PDLIM5: variants seen among roughly 807,000 people sequenced by gnomAD.
The protein encoded by PDLIM5 is PDZ and LIM domain protein 5.
A neutral mutation model predicts 64.2 loss-of-function variants in PDLIM5; 34 were observed. The observed-to-expected ratio is 0.53, with a 90% CI of 0.40 to 0.71. The LOEUF (loss-of-function observed/expected upper bound fraction) is 0.71, where lower values mean the gene tolerates loss of function less well. Ranked by LOEUF, PDLIM5 falls within the 30% of genes least tolerant of loss-of-function variation. PDLIM5 has a pLI of 0.00. For synonymous variants in PDLIM5, 253 were observed against 269.1 expected, an observed-to-expected ratio of 0.94 and a Z score of 0.59; for missense variants, 683 against 733.6, an observed-to-expected ratio of 0.93 and a Z score of 0.80.
intron 3 of PDLIM5, among the ~76,000 whole-genome samples, chr4:94,570,713 A>G (rs891069377): frequency 2.0e-5 from 3 of 152,164 alleles, no homozygotes; most frequent in Admixed American, 6.6e-5. Context: ...CTTTGTTATT[A>G]CAGATTGACA....
intron 7 of PDLIM5, among the ~76,000 whole-genome samples, chr4:94,590,593 C>G (rs1736598252): frequency 6.6e-6 from 1 of 152,120 alleles, no homozygotes; most frequent in Non-Finnish European, 1.5e-5. Context: ...GGAAGGATTA[C>G]TTTAGATTAT....
At chr4:94,577,492 A>G in intron 5 of PDLIM5, 1 of 364,110 alleles carries the variant, frequency 2.7e-6, no homozygotes, top group South Asian at 2.1e-5. Context: ...TATTGAGGAA[A>G]ACTAGTATCC....
chr4:94,455,322 G>A lies in PDLIM5; in HGVS notation c.34G>A (p.Ala12Thr). ...CTACAGTGTGTCACTGGTTGGCCCAGCTCCTTGGGGTTTCCGGCTGCAGGG... is the reference window on the plus strand; with the variant it reads ...CTACAGTGTGTCACTGGTTGGCCCAACTCCTTGGGGTTTCCGGCTGCAGGG... ...SNYSVSLVGPAPWGFRLQGGK... is the reference protein window; with the variant it reads ...SNYSVSLVGPTPWGFRLQGGK... The change falls in exon 2 of 13, where the codon GCT becomes ACT. Residue 12 changes from alanine to threonine, a missense_variant. By Grantham distance (58) the Ala-to-Thr change is moderately conservative. Coordinates refer to ENST00000317968, the MANE Select transcript of PDLIM5 (RefSeq NM_006457.5). 1 of 1,613,586 alleles carries A rather than the reference G, an allele frequency of 6.2e-7. No individual in the cohort carries two copies. Among genetic ancestry groups the A allele is most frequent in the East Asian group, 2.2e-5 (1 of 44,878 alleles).
intron 7 of PDLIM5, among the ~76,000 whole-genome samples, chr4:94,607,265 CT>C (rs35242711): frequency 0.05 from 7,312 of 145,450 alleles, 233 homozygotes; most frequent in Non-Finnish European, 0.077. Context: ...TATCCACAGA[CT>C]TTTTTTTTTT....
At chr4:94,513,843 T>A (rs1729113418) in intron 2 of PDLIM5, among the ~76,000 whole-genome samples, 1 of 152,178 alleles carries the variant, frequency 6.6e-6, no homozygotes, top group Admixed American at 6.6e-5. Flanking sequence ...CCATTCAGTA[T>A]GATACTAGCT....
chr4:94,649,390 A>T (rs1191486137), intron 9 of PDLIM5, among the ~76,000 whole-genome samples: 1 of 152,078 alleles, frequency 6.6e-6, no homozygotes. Flanking sequence ...GAGGGTCTTT[A>T]CTCAAATATC....
intron 10 of PDLIM5, among the ~76,000 whole-genome samples, 156 bp from the exon 11 acceptor site, chr4:94,657,271 T>C (rs1225763636): frequency 6.6e-6 from 1 of 152,250 alleles, no homozygotes; most frequent in Non-Finnish European, 1.5e-5. Context: ...CTTAAGTATC[T>C]CTTGTTACTT....
intron 5 of PDLIM5, chr4:94,584,297 G>A (rs1735980998): frequency 6.6e-6 from 1 of 152,126 alleles, no homozygotes; most frequent in Non-Finnish European, 1.5e-5. Context: ...CTGTTTTGAG[G>A]GGGGAGAAGT....
chr4:94,648,309 G>A (rs145998012), intron 9 of PDLIM5, among the ~76,000 whole-genome samples: 2 of 152,106 alleles, frequency 1.3e-5, no homozygotes, highest in East Asian at 1.9e-4. Flanking sequence ...TGACACTAAG[G>A]TGTCTCACAG....
At chr4:94,498,695 A>T (rs2126129417) in intron 2 of PDLIM5, among the ~76,000 whole-genome samples, 1 of 152,306 alleles carries the variant, frequency 6.6e-6, no homozygotes, top group East Asian at 1.9e-4. Flanking sequence ...GTGTGCATCC[A>T]CTGTAAGATG....
chr4:94,659,494 ATGTGTGTG>A (rs1163008328), intron 11 of PDLIM5, among the ~76,000 whole-genome samples: 4,952 of 109,080 alleles, frequency 0.045, 269 homozygotes, highest in African/African-American at 0.15. Flanking sequence ...ATATGTGTGT[ATGTGTGTG>A]TGTGTGTGTG....
intron 3 of PDLIM5, among the ~76,000 whole-genome samples, chr4:94,565,614 A>G (rs1734251916): frequency 6.6e-6 from 1 of 152,212 alleles, no homozygotes; most frequent in African/African-American, 2.4e-5. Context: ...ACTATTTTAA[A>G]TAGAACACCC....
chr4:94,585,421 C>A, intron 5 of PDLIM5, 144 bp from the exon 6 acceptor site: 2 of 527,578 alleles, frequency 3.8e-6, no homozygotes, highest in Non-Finnish European at 3.0e-6. Context: ...AAACTTGAGA[C>A]CGAATATACT....
intron 2 of PDLIM5, among the ~76,000 whole-genome samples, chr4:94,461,390 CATGGTGTCTACTGATTCTT>C (rs1285967691): frequency 6.6e-6 from 1 of 152,110 alleles, no homozygotes; most frequent in Non-Finnish European, 1.5e-5. Flanking sequence ...GAGCAGTGAC[CATGGTGTCTACTGATTCTT>C]TAGGTATTCT....
At chr4:94,643,550 A>C (rs149375981) in intron 9 of PDLIM5, among the ~76,000 whole-genome samples, 258 of 152,214 alleles carry the variant, frequency 1.7e-3, no homozygotes, top group Admixed American at 3.7e-3. Flanking sequence ...ATTAAAATCT[A>C]TTGACCATTT....
At chr4:94,612,322 A>G (rs571964410) in intron 7 of PDLIM5, among the ~76,000 whole-genome samples, 177 of 152,350 alleles carry the variant, frequency 1.2e-3, no homozygotes, top group South Asian at 1.7e-3. Flanking sequence ...GAGAAAGATC[A>G]TAGTACATTT....
chr4:94,584,872 T>A lies in PDLIM5; in HGVS notation c.711-693T>A. 4.4e-6 allele frequency: 3 copies of A among 678,154 alleles called. No individual in the cohort carries two copies. In the South Asian group the frequency reaches 5.5e-5, roughly 12 times the overall value. The allele number at this position is 678,154 out of a possible 1,614,324, so 42.0% of individuals were successfully genotyped here. ...CAAATAATTTCAAGAAGTTTGATTTTGACTACTATGGACTTTCATTTTCTA... is the reference window on the plus strand; with the variant it reads ...CAAATAATTTCAAGAAGTTTGATTTAGACTACTATGGACTTTCATTTTCTA... On this transcript the variant is annotated intron_variant, in intron 5 of 12. Coordinates refer to ENST00000317968, the MANE Select transcript of PDLIM5 (RefSeq NM_006457.5).
chr4:94,609,268 A>G (rs1738171686), intron 7 of PDLIM5, among the ~76,000 whole-genome samples: 1 of 152,198 alleles, frequency 6.6e-6, no homozygotes, highest in African/African-American at 2.4e-5. Context: ...GCACCCATAA[A>G]TGAAGAAGAG....
chr4:94,595,709 G>C (rs910294313), intron 7 of PDLIM5, among the ~76,000 whole-genome samples: 5 of 152,106 alleles, frequency 3.3e-5, no homozygotes, highest in Non-Finnish European at 7.4e-5. Context: ...CATTATTGCT[G>C]TGTTTCACAA....
Sources: allele counts gnomAD v4.1 joint callset (sites outside exome capture counted in the v4.1 genomes callset), GRCh38; gene constraint gnomAD v4.1.1; transcripts MANE v1.5; gene names NCBI Gene and HGNC (gene_info 2026-07-23, HGNC 2026-07-21).